TET3: variants seen among roughly 807,000 people sequenced by gnomAD.
TET3 encodes the protein methylcytosine dioxygenase TET3.
Under a neutral mutation model 141.4 loss-of-function variants are expected in TET3, and 19 were observed. The ratio of observed to expected loss-of-function variants is 0.13; its 90% CI spans 0.09 to 0.20. The LOEUF (loss-of-function observed/expected upper bound fraction) is 0.20. Among genes scored for constraint, TET3 ranks in the 10% least tolerant of loss-of-function variants. TET3 has a pLI of 1.00. For missense variants in TET3, 1,874 were observed against 2,356.9 expected (o/e 0.80, Z 4.24); for synonymous variants, 1,043 against 980.9 (o/e 1.06, Z -1.18).
At chr2:74,005,528 G>A (rs1685106743) in intron 3 of TET3, among the ~76,000 whole-genome samples, 1 of 152,138 alleles carries the variant, frequency 6.6e-6, no homozygotes, top group African/African-American at 2.4e-5. Flanking sequence ...TTTGCCAGAG[G>A]CCCTTCCATT....
chr2:74,032,137 C>A (rs1353476380), intron 3 of TET3, among the ~76,000 whole-genome samples: 1 of 152,156 alleles, frequency 6.6e-6, no homozygotes, highest in Non-Finnish European at 1.5e-5. Flanking sequence ...TAAACCTGGC[C>A]CCTTTGACAC....
chr2:73,984,237 C>A (rs368565829), upstream of TET3, among the ~76,000 whole-genome samples: 47 of 152,344 alleles, frequency 3.1e-4, no homozygotes, highest in African/African-American at 9.1e-4. The surrounding 1 kb of genome is among the most constrained non-coding windows in gnomAD (Gnocchi z 5.6). Context: ...TCTTTGTTTT[C>A]GACGCGAAAG....
At chr2:74,044,970 A>G (rs1687540075) in intron 3 of TET3, among the ~76,000 whole-genome samples, 1 of 152,258 alleles carries the variant, frequency 6.6e-6, no homozygotes, top group African/African-American at 2.4e-5. Context: ...GGTCTAAGCC[A>G]TGAACACGCA....
At chr2:74,032,503 G>GCGCGCGCGCGA (rs1686800700) in intron 3 of TET3, among the ~76,000 whole-genome samples, 2 of 81,204 alleles carry the variant, frequency 2.5e-5, no homozygotes, top group African/African-American at 1.0e-4. Flanking sequence ...GTGTGTGTGT[G>GCGCGCGCGCGA]TGTGTTAGGG....
intron 3 of TET3, among the ~76,000 whole-genome samples, chr2:74,013,821 T>C (rs1157862089): frequency 2.0e-5 from 3 of 152,024 alleles, no homozygotes; most frequent in Non-Finnish European, 4.4e-5. Context: ...CAAAAAAAAA[T>C]AGTAATAATA....
At chr2:74,016,043 T>C (rs57609154) in intron 3 of TET3, among the ~76,000 whole-genome samples, 9,632 of 152,118 alleles carry the variant, frequency 0.063, 1,024 homozygotes, top group African/African-American at 0.22. Flanking sequence ...TATCAGTATA[T>C]TAAGATATAT....
At position 74,099,270 on chromosome 2, in the gene TET3, G is replaced by T. The variant is rs372240515; in HGVS notation, c.3268-6G>T. 147 of 1,578,500 alleles carry T rather than the reference G, an allele frequency of 9.3e-5. No individual in the cohort carries two copies. Among genetic ancestry groups the T allele is most frequent in the Non-Finnish European group, 1.2e-4 (144 of 1,160,800 alleles). ...CATGTCCTCTCTCCCCCACTGCTTG[G>T]GGCAGGTCTGCACCCTGACCAAGGA... On this transcript the variant is annotated splice_polypyrimidine_tract_variant and splice_region_variant and intron_variant, in intron 10 of 11. Coordinates refer to ENST00000409262, the MANE Select transcript of TET3 (RefSeq NM_001287491.2).
the TET3 span, chr2:74,122,013 T>C: frequency 6.6e-6 from 1 of 152,102 alleles, no homozygotes; most frequent in African/African-American, 2.4e-5. Flanking sequence ...AAAAAGTCTG[T>C]AGTGTAAGGG....
chr2:74,107,767 C>CT lies in TET3; in HGVS notation c.*5594dup, dbSNP rs1327525276. ...ACCATACTTGAATATTCCGTCTTGA[C>CT]TTTGTAAACTGTGGCTACTTGAAAT... is the stretch of plus-strand genomic sequence containing the variant. On this transcript the variant is annotated 3_prime_UTR_variant, in exon 12 of 12. Coordinates refer to ENST00000409262, the MANE Select transcript of TET3 (RefSeq NM_001287491.2). 1.3e-5 allele frequency: 2 copies of CT among 152,146 alleles called. No individual in the cohort carries two copies. The highest frequency in any genetic ancestry group is 4.8e-5 in the African/African-American group (2 of 41,420). The allele number at this position is 152,146 out of a possible 1,614,324, so 9.4% of individuals were successfully genotyped here. A position where few individuals can be genotyped will look rare whatever the true frequency, so the allele number is the denominator to read the frequency against.
chr2:74,073,184 A>G (rs1373262368), intron 4 of TET3, among the ~76,000 whole-genome samples: 2 of 152,076 alleles, frequency 1.3e-5, no homozygotes, highest in African/African-American at 4.8e-5. Flanking sequence ...TAGCTTGCTG[A>G]CCCCTGGTCT....
chr2:74,132,074 C>G, the TET3 span, among the ~76,000 whole-genome samples: 2 of 152,182 alleles, frequency 1.3e-5, no homozygotes, highest in Non-Finnish European at 2.9e-5. Flanking sequence ...GCCCACAAAG[C>G]CACACTTATC....
At chr2:74,135,408 C>T in the TET3 span, 6 of 1,023,104 alleles carry the variant, frequency 5.9e-6, no homozygotes, top group Non-Finnish European at 7.4e-6. Context: ...AATGACCCTT[C>T]AAAAGCTTCA....
intron 6 of TET3, among the ~76,000 whole-genome samples, chr2:74,085,774 C>G (rs993234671): frequency 1.6e-4 from 24 of 152,168 alleles, no homozygotes; most frequent in Non-Finnish European, 3.1e-4. Context: ...AGGTCCGCAC[C>G]CTGGGGGTCA....
intron 3 of TET3, among the ~76,000 whole-genome samples, chr2:74,036,596 T>C (rs1573752846): frequency 6.6e-6 from 1 of 152,256 alleles, no homozygotes; most frequent in East Asian, 1.9e-4. Flanking sequence ...TGCCTTGTGA[T>C]CTTGAGGCAA....
At chr2:74,006,945 T>C (rs1685182608) in intron 3 of TET3, among the ~76,000 whole-genome samples, 1 of 152,176 alleles carries the variant, frequency 6.6e-6, no homozygotes, top group Admixed American at 6.5e-5. Flanking sequence ...ATTAGTGTAT[T>C]CTCTAGGACT....
At chr2:74,130,527 C>A in the TET3 span, 5 of 152,270 alleles carry the variant, frequency 3.3e-5, no homozygotes, top group African/African-American at 4.8e-5. Context: ...GCTCACAAGC[C>A]ACTGCTGGCG....
intron 5 of TET3, among the ~76,000 whole-genome samples, chr2:74,075,611 G>A (rs1689462033): frequency 6.6e-6 from 1 of 152,110 alleles, no homozygotes; most frequent in South Asian, 2.1e-4. Context: ...TTACAGGTGT[G>A]AGCCACCGTG....
intron 4 of TET3, among the ~76,000 whole-genome samples, chr2:74,066,350 G>T (rs1688899723): frequency 1.3e-5 from 2 of 152,058 alleles, no homozygotes; most frequent in Non-Finnish European, 2.9e-5. Flanking sequence ...AAAACTATTT[G>T]AAAATGAGAC....
chr2:74,118,122 C>G, the TET3 span, among the ~76,000 whole-genome samples: 17 of 152,220 alleles, frequency 1.1e-4, no homozygotes, highest in Non-Finnish European at 1.5e-5. Flanking sequence ...ATCATCTCCA[C>G]GAGAGCAGAT....
Sources: gnomAD v4.1 joint callset for allele counts (sites outside exome capture counted in the v4.1 genomes callset) on GRCh38, gnomAD v4.1.1 for gene constraint, Gnocchi (gnomAD v3.1) non-coding constraint, MANE v1.5 for transcripts, NCBI Gene and HGNC (gene_info 2026-07-23, HGNC 2026-07-21) for gene names.